GAS2: variants seen among roughly 807,000 people sequenced by gnomAD.
The protein encoded by GAS2 is growth arrest-specific protein 2.
A neutral mutation model predicts 37.5 loss-of-function variants in GAS2; 20 were observed. That is an observed-to-expected ratio of 0.53 (90% CI 0.37 to 0.77). The LOEUF (loss-of-function observed/expected upper bound fraction) is 0.77, where lower values mean the gene tolerates loss of function less well. Among genes scored for constraint, GAS2 ranks in the 30% least tolerant of loss-of-function variants. The pLI, the probability that GAS2 is intolerant of heterozygous loss-of-function variation, is 0.00. For synonymous variants in GAS2, 144 were observed against 132.2 expected (o/e 1.09, Z -0.61); for missense variants, 336 against 373.4 (o/e 0.90, Z 0.82).
intron 7 of GAS2, among the ~76,000 whole-genome samples, chr11:22,776,011 C>T (rs1485924067): frequency 6.6e-6 from 1 of 152,162 alleles, no homozygotes; most frequent in Non-Finnish European, 1.5e-5. Context: ...TACAAATATA[C>T]CCAGAAAGCA....
chr11:22,673,990 G>C (rs1248993197), intron 1 of GAS2, among the ~76,000 whole-genome samples: 1 of 152,178 alleles, frequency 6.6e-6, no homozygotes, highest in Non-Finnish European at 1.5e-5. Context: ...AGAGATTGTT[G>C]TAGCAATAGC....
chr11:22,776,332 A>G (rs949845446), intron 7 of GAS2, among the ~76,000 whole-genome samples: 1 of 152,220 alleles, frequency 6.6e-6, no homozygotes, highest in East Asian at 1.9e-4. Context: ...GCTGTGTTCC[A>G]ATAACACTGT....
intron 7 of GAS2, among the ~76,000 whole-genome samples, chr11:22,804,843 A>G (rs1856815362): frequency 6.6e-6 from 1 of 152,050 alleles, no homozygotes; most frequent in Non-Finnish European, 1.5e-5. Flanking sequence ...TGGGAAATGG[A>G]GCTGACCAAA....
chr11:22,788,845 A>G (rs1590132310), intron 7 of GAS2, among the ~76,000 whole-genome samples: 1 of 152,158 alleles, frequency 6.6e-6, no homozygotes, highest in Admixed American at 6.5e-5. Context: ...ATTTTCTTCA[A>G]CCATAAACTG....
Position 22,674,837 on chromosome 11 carries a change from G to T in GAS2, c.-20-13G>T. On this transcript the variant is annotated splice_polypyrimidine_tract_variant and intron_variant, in intron 1 of 7. Coordinates refer to ENST00000454584, the MANE Select transcript of GAS2 (RefSeq NM_001143830.3). Reference sequence around the variant, plus strand: ...CTGTATAAAAAGCAATTGCTCTTTTGTTTCCAAAACAGGTATTACAAGTGG... The same window carrying T: ...CTGTATAAAAAGCAATTGCTCTTTTTTTTCCAAAACAGGTATTACAAGTGG... The T allele has an allele frequency of 6.4e-7, 1 of 1,550,838 alleles. No individual in the cohort carries two copies. Among genetic ancestry groups the T allele is most frequent in the Non-Finnish European group, 8.7e-7 (1 of 1,148,262 alleles).
rs1857184424 is a variant in GAS2 at position 22,811,799 on chromosome 11, T to A, written c.725T>A (p.Met242Lys). The stretch of plus-strand genomic sequence containing the variant: ...ACTTTTGATATTTTTTCATTTCAGA[T>A]GCTGCACAACAAACATGTCATGGTC... ...RVGEKILFIR[M>K]LHNKHVMVRV... is the part of the protein sequence containing the mutation. The change falls in exon 8 of 8, where the codon ATG becomes AAG. Residue 242 changes from methionine to lysine, a missense_variant and splice_region_variant. Met to Lys is a moderately conservative substitution (Grantham distance 95, BLOSUM62 -1). Coordinates refer to ENST00000454584, the MANE Select transcript of GAS2 (RefSeq NM_001143830.3). The A allele has an allele frequency of 6.2e-7, 1 of 1,613,830 alleles. No homozygotes were observed. Among genetic ancestry groups the A allele is most frequent in the Admixed American group, 1.7e-5 (1 of 59,980 alleles).
intron 1 of GAS2, among the ~76,000 whole-genome samples, chr11:22,628,616 T>G (rs1858696937): frequency 6.6e-6 from 1 of 152,232 alleles, no homozygotes; most frequent in Admixed American, 6.5e-5. Flanking sequence ...TTGTCGTCTT[T>G]TCATTGCTTT....
In GAS2 at chr11:22,792,472, T is replaced by C. The variant is rs1274998359; in HGVS notation, c.724-19326T>C. ...GGAAATATAAAAATAGAAGTTGAAC[T>C]GGTGACAATTTTTAGTGTAAACTTT... On this transcript the variant is annotated intron_variant, in intron 7 of 7. Coordinates refer to ENST00000454584, the MANE Select transcript of GAS2 (RefSeq NM_001143830.3). Among the ~76,000 whole-genome samples, 4 of 152,190 alleles carry C rather than the reference T, an allele frequency of 2.6e-5. No homozygotes were observed. In the East Asian group the frequency reaches 7.7e-4, roughly 29 times the overall value.
intron 7 of GAS2, among the ~76,000 whole-genome samples, chr11:22,806,717 C>A (rs1423230814): frequency 6.6e-6 from 1 of 152,176 alleles, no homozygotes; most frequent in East Asian, 1.9e-4. Flanking sequence ...TTAGCAAGGT[C>A]TAACTGAGAC....
intron 7 of GAS2, among the ~76,000 whole-genome samples, chr11:22,758,140 T>A (rs1854151840): frequency 1.3e-5 from 2 of 152,182 alleles, no homozygotes; most frequent in Admixed American, 1.3e-4. Context: ...CTCATAGGTA[T>A]TGAATTGGTT....
intron 3 of GAS2, among the ~76,000 whole-genome samples, chr11:22,712,071 C>T (rs186767998): frequency 5.4e-4 from 82 of 152,302 alleles, no homozygotes; most frequent in African/African-American, 1.9e-3. Flanking sequence ...TAAAGCACCA[C>T]CTCCTGGCTG....
At chr11:22,638,938 G>A (rs1360589741) in intron 1 of GAS2, among the ~76,000 whole-genome samples, 1 of 151,958 alleles carries the variant, frequency 6.6e-6, no homozygotes, top group Admixed American at 6.6e-5. Flanking sequence ...AAATATTATG[G>A]GTAGTGATTA....
At chr11:22,703,336 C>T (rs866341249) in intron 3 of GAS2, among the ~76,000 whole-genome samples, 2 of 152,110 alleles carry the variant, frequency 1.3e-5, no homozygotes, top group African/African-American at 2.4e-5. Context: ...GCACTAATTG[C>T]GGTCAATGCT....
chr11:22,650,662 C>A (rs1169969382), intron 1 of GAS2, among the ~76,000 whole-genome samples: 1 of 151,378 alleles, frequency 6.6e-6, no homozygotes, highest in Non-Finnish European at 1.5e-5. Context: ...GATCCCTTTA[C>A]CATTATGTAA....
chr11:22,771,506 A>G (rs1343371654), intron 7 of GAS2, among the ~76,000 whole-genome samples: 1 of 152,168 alleles, frequency 6.6e-6, no homozygotes, highest in East Asian at 1.9e-4. Flanking sequence ...TCATGTTTTA[A>G]CACTTCAGTA....
chr11:22,722,714 T>C (rs2134146131), intron 3 of GAS2, among the ~76,000 whole-genome samples: 1 of 152,026 alleles, frequency 6.6e-6, no homozygotes, highest in African/African-American at 2.4e-5. Context: ...CTTGGGGATG[T>C]AAAAATTCTA....
intron 7 of GAS2, among the ~76,000 whole-genome samples, chr11:22,783,523 C>A (rs1855671029): frequency 1.3e-5 from 2 of 152,090 alleles, no homozygotes; most frequent in Admixed American, 1.3e-4. Context: ...GCAAAGGCTC[C>A]TTATGACTTG....
chr11:22,724,649 A>G (rs337447), intron 3 of GAS2, among the ~76,000 whole-genome samples: 136,007 of 151,980 alleles, frequency 0.89, 62,637 homozygotes, highest in East Asian at 1. Flanking sequence ...TTCTGTATAG[A>G]GTAACCCTAT....
intron 7 of GAS2, among the ~76,000 whole-genome samples, chr11:22,782,740 AATAAT>A (rs1378454648): frequency 2.3e-5 from 3 of 128,594 alleles, no homozygotes; most frequent in Admixed American, 2.2e-4. Flanking sequence ...AAAAAAAAAA[AATAAT>A]AATAATAATG....
Sources: gnomAD v4.1 joint callset for allele counts (sites outside exome capture counted in the v4.1 genomes callset) on GRCh38, gnomAD v4.1.1 for gene constraint, MANE v1.5 for transcripts, NCBI Gene and HGNC (gene_info 2026-07-23, HGNC 2026-07-21) for gene names.